The following FREM1 variants were observed in gnomAD, a reference collection of about 807,000 sequenced individuals.
The protein encoded by FREM1 is FRAS1 related extracellular matrix 1.
A neutral mutation model predicts 210.1 loss-of-function variants in FREM1; 220 were observed. The observed-to-expected ratio is 1.05, with a 90% CI of 0.94 to 1.17. The LOEUF (loss-of-function observed/expected upper bound fraction) is 1.17, where lower values mean the gene tolerates loss of function less well. FREM1 is among the 50% of genes most tolerant of loss of function. The pLI, the probability that FREM1 is intolerant of heterozygous loss-of-function variation, is 0.00. For synonymous variants in FREM1, 1,189 were observed against 980.2 expected, an observed-to-expected ratio of 1.21 and a Z score of -3.98; for missense variants, 3,454 against 2,675.5, an observed-to-expected ratio of 1.29 and a Z score of -6.42.
At chr9:14,860,758 T>C (rs1281030236) in intron 3 of FREM1, among the ~76,000 whole-genome samples, 3 of 111,118 alleles carry the variant, frequency 2.7e-5, no homozygotes, top group South Asian at 2.5e-4. Context: ...TGCACATATA[T>C]ATGCACATAT....
Position 14,784,553 on chromosome 9 carries a change from A to T in FREM1, c.4259T>A (p.Val1420Glu). 1 of 1,613,480 alleles carries T rather than the reference A, an allele frequency of 6.2e-7. No individual in the cohort carries two copies. The highest frequency in any genetic ancestry group is 8.5e-7 in the Non-Finnish European group (1 of 1,179,714). The change falls in exon 24 of 37, where the codon GTG (valine) becomes GAG (glutamate). Residue 1420 changes from valine to glutamate, a missense_variant. Val to Glu is a moderately radical substitution (Grantham distance 121). Transcript: ENST00000380880. ...GFLTTTTLLA[V>E]DGTDKPEELL... ...TTCCTCAGGCTTGTCTGTTCCGTCC[A>T]CAGCCAGGAGCGTGGTGGTTGTTAA...
chr9:14,776,989 G>C (rs560716926), intron 24 of FREM1, among the ~76,000 whole-genome samples: 76 of 152,332 alleles, frequency 5.0e-4, no homozygotes, highest in African/African-American at 1.7e-3. Flanking sequence ...GTTGGTGGGA[G>C]ATCATAAGGG....
intron 36 of FREM1, among the ~76,000 whole-genome samples, chr9:14,739,463 T>TATATATATAATTC (rs1554633081): frequency 1.4e-5 from 2 of 138,326 alleles, no homozygotes; most frequent in African/African-American, 2.7e-5. Flanking sequence ...TATATATATA[T>TATATATATAATTC]ATATATATAT....
At chr9:14,881,328 A>T (rs1446678247) in intron 1 of FREM1, among the ~76,000 whole-genome samples, 1 of 152,188 alleles carries the variant, frequency 6.6e-6, no homozygotes, top group Non-Finnish European at 1.5e-5. Context: ...TTTGTAATTG[A>T]TCATAGCTCA....
At chr9:14,908,622 C>A (rs561685615) in intron 1 of FREM1, among the ~76,000 whole-genome samples, 1 of 152,210 alleles carries the variant, frequency 6.6e-6, no homozygotes, top group Non-Finnish European at 1.5e-5. Context: ...CATGCAAAAC[C>A]ATGTTGCACA....
At chr9:14,858,893 A>G (rs1829295875) in intron 4 of FREM1, among the ~76,000 whole-genome samples, 2 of 152,100 alleles carry the variant, frequency 1.3e-5, no homozygotes, top group South Asian at 2.1e-4. Context: ...GTATAACCTC[A>G]TTTACTCTTA....
chr9:14,737,440 T>C lies in FREM1; in HGVS notation c.6496A>G (p.Arg2166Gly). ...RQGKWQTKDC[R>G]RAKPHNYVCS... ...ACATAATTATGAGGTTTGGCTCTCC[T>C]ACAGTCTTTTGTTTGCCATTTCCCT... The change falls in exon 37 of 37, where the codon AGG becomes GGG. Residue 2166 changes from arginine (R) to glycine (G), a missense_variant. By Grantham distance (125) the Arg-to-Gly change is moderately radical. Transcript: ENST00000380880. 2 of 1,613,864 alleles carry C rather than the reference T, an allele frequency of 1.2e-6. No homozygotes were observed. Among genetic ancestry groups the C allele is most frequent in the Non-Finnish European group, 1.7e-6 (2 of 1,179,824 alleles).
intron 1 of FREM1, among the ~76,000 whole-genome samples, chr9:14,884,232 A>G (rs1835366028): frequency 6.6e-6 from 1 of 152,152 alleles, no homozygotes; most frequent in South Asian, 2.1e-4. Context: ...CCATCTCAAA[A>G]AAGAAAAAAG....
In FREM1 at chr9:14,812,854, G is replaced by C; in HGVS notation, c.2851C>G (p.Gln951Glu). Reference protein sequence around the residue: ...RAGVTVDQFSQRDVISEAVTY... With the variant: ...RAGVTVDQFSERDVISEAVTY... Reference sequence around the variant, plus strand: ...ACGGCCTCTGAGATAACATCTCTCTGAGAGAACTGATCCACTGTGACTCCA... The same window carrying C: ...ACGGCCTCTGAGATAACATCTCTCTCAGAGAACTGATCCACTGTGACTCCA... The change falls in exon 16 of 37, where the codon CAG becomes GAG. Residue 951 changes from glutamine (Q) to glutamate (E), a missense_variant. Gln to Glu is a conservative substitution (Grantham distance 29). Transcript: ENST00000380880. The C allele has an allele frequency of 3.7e-6, 6 of 1,613,702 alleles. No individual in the cohort carries two copies. The South Asian group carries it at 4.4e-5, about 12-fold the overall frequency.
intron 36 of FREM1, 75 bp downstream of exon 36, chr9:14,740,074 T>A: frequency 1.2e-6 from 1 of 844,446 alleles, no homozygotes; most frequent in East Asian, 2.5e-5. Context: ...TGGAAGGAAG[T>A]AGCAGGGTGG....
At chr9:14,762,568 G>A (rs1022927099) in intron 27 of FREM1, among the ~76,000 whole-genome samples, 1 of 151,974 alleles carries the variant, frequency 6.6e-6, no homozygotes, top group African/African-American at 2.4e-5. Context: ...GCTGCATAAC[G>A]TTTATAGGTC....
chr9:14,863,768 G>C (rs746697035), intron 3 of FREM1, 41 bp downstream of exon 3: 2 of 1,219,296 alleles, frequency 1.6e-6, no homozygotes, highest in Non-Finnish European at 2.4e-6. Context: ...ACACAGAATG[G>C]TTACTTGGCA....
At chr9:14,775,042 G>A (rs758685174) in intron 25 of FREM1, among the ~76,000 whole-genome samples, 4 of 152,198 alleles carry the variant, frequency 2.6e-5, no homozygotes, top group African/African-American at 9.6e-5. Context: ...GTGTAATAGT[G>A]TAAAGATGCT....
chr9:14,835,120 T>G (rs139733274), intron 10 of FREM1, among the ~76,000 whole-genome samples: 50 of 152,298 alleles, frequency 3.3e-4, no homozygotes, highest in African/African-American at 1.2e-3. Context: ...CAAAACAAAA[T>G]TTAACTAAGT....
At chr9:14,783,828 G>A (rs375338638) in intron 24 of FREM1, among the ~76,000 whole-genome samples, 33 of 152,340 alleles carry the variant, frequency 2.2e-4, no homozygotes, top group African/African-American at 7.9e-4. Flanking sequence ...GGGGAAATAT[G>A]ATCTACTTTA....
chr9:14,869,057 G>T lies in FREM1; in HGVS notation c.-80C>A. The T allele has an allele frequency of 1.0e-6, 1 of 976,336 alleles. No individual in the cohort carries two copies. Among genetic ancestry groups the T allele is most frequent in the Non-Finnish European group, 1.5e-6 (1 of 670,220 alleles). 60.5% of individuals were successfully genotyped at this position (976,336 alleles called of 1,614,324 possible). A position where few individuals can be genotyped will look rare whatever the true frequency, so the allele number is the denominator to read the frequency against. On this transcript the variant is annotated 5_prime_UTR_variant, in exon 2 of 37. Transcript: ENST00000380880. ...GGGCTTCTGTGCTTCCTCCTGGAGG[G>T]TCAGCTCATAGTCCAAGGGGCAGGG...
chr9:14,861,280 TATATAC>T (rs1830441755), intron 3 of FREM1, among the ~76,000 whole-genome samples: 1 of 95,398 alleles, frequency 1.0e-5, no homozygotes, highest in Non-Finnish European at 1.8e-5. Flanking sequence ...CATATATACA[TATATAC>T]ATATATACAT....
At position 14,845,959 on chromosome 9, in the gene FREM1, C is replaced by T; in HGVS notation, c.1393+1G>A. Reference sequence around the variant, plus strand: ...CTAGGTTACCAAGTTGGATCATTCACCTCTTAAAGTCAGCCATCCATGCTG... The same window carrying T: ...CTAGGTTACCAAGTTGGATCATTCATCTCTTAAAGTCAGCCATCCATGCTG... On this transcript the variant is annotated splice_donor_variant, in intron 8 of 36. Coordinates refer to ENST00000380880, the MANE Select transcript of FREM1 (RefSeq NM_001379081.2). LOFTEE classifies it high-confidence loss of function. 6.2e-7 allele frequency: 1 copy of T among 1,613,428 alleles called. No individual in the cohort carries two copies. The highest frequency in any genetic ancestry group is 1.3e-5 in the African/African-American group (1 of 75,022).
At chr9:14,876,478 G>C (rs1370062996) in intron 1 of FREM1, among the ~76,000 whole-genome samples, 1 of 152,202 alleles carries the variant, frequency 6.6e-6, no homozygotes, top group Non-Finnish European at 1.5e-5. Context: ...AGGACCCTCT[G>C]AGCCAGGTGC....
Sources: gnomAD v4.1 joint callset for allele counts (sites outside exome capture counted in the v4.1 genomes callset) on GRCh38, gnomAD v4.1.1 for gene constraint, MANE v1.5 for transcripts, NCBI Gene and HGNC (gene_info 2026-07-23, HGNC 2026-07-21) for gene names.